The following PPP2R3B variants were observed in gnomAD, a reference collection of about 807,000 sequenced individuals.
PPP2R3B encodes the protein protein phosphatase 2 regulatory subunit B''beta.
A neutral mutation model predicts 72.9 loss-of-function variants in PPP2R3B; 68 were observed. That is an observed-to-expected ratio of 0.93 (90% confidence interval 0.77 to 1.14). The LOEUF (loss-of-function observed/expected upper bound fraction) is 1.14. Among genes scored for constraint, PPP2R3B ranks in the 50% most tolerant of loss-of-function variants. PPP2R3B has a pLI of 0.00. For synonymous variants in PPP2R3B, 466 were observed against 375.8 expected (o/e 1.24, Z -2.78); for missense variants, 1,018 against 842.0 (o/e 1.21, Z -2.59).
At chrX:384,982 CAAAAAAAAAAAAAA>C (rs773590401) in intron 1 of PPP2R3B, among the ~76,000 whole-genome samples, 14 of 63,072 alleles carry the variant, frequency 2.2e-4, no homozygotes, top group Non-Finnish European at 4.2e-4. Flanking sequence ...GAATCTGTCT[CAAAAAAAAAAAAAA>C]AAAAAAAAAA....
intron 7 of PPP2R3B, chrX:342,192 G>A: frequency 1.7e-6 from 1 of 597,582 alleles, no homozygotes; most frequent in Non-Finnish European, 3.0e-6. Context: ...GTAAAGAGCA[G>A]AATATTCAGG....
At chrX:382,209 T>C in intron 1 of PPP2R3B, among the ~76,000 whole-genome samples, 1 of 150,514 alleles carries the variant, frequency 6.6e-6, no homozygotes, top group Middle Eastern at 3.2e-3. Flanking sequence ...TTTTTTTTTT[T>C]TTTGAGACAG....
chrX:386,720 G>A lies in PPP2R3B; in HGVS notation c.-29C>T, dbSNP rs928743424. On this transcript the variant is annotated 5_prime_UTR_variant, in exon 1 of 13. Coordinates refer to ENST00000390665, the MANE Select transcript of PPP2R3B (RefSeq NM_013239.5). ...GGGGGCTGGGCCCGCGGCGCCCCCG[G>A]ACGCCCGCGCCCCGCCCCGCCCCGG... The A allele has an allele frequency of 7.4e-6, 9 of 1,223,552 alleles. No homozygotes were observed. Among genetic ancestry groups the A allele is most frequent in the African/African-American group, 4.8e-5 (3 of 62,732 alleles). The allele number at this position is 1,223,552 out of a possible 1,614,324, so 75.8% of individuals were successfully genotyped here.
In PPP2R3B at chrX:334,433, G is replaced by C. The variant is rs2070831964; in HGVS notation, c.1662C>G (p.Pro554=). 1 of 1,595,584 alleles carries C rather than the reference G, an allele frequency of 6.3e-7. No individual in the cohort carries two copies. The highest frequency in any genetic ancestry group is 1.4e-5 in the African/African-American group (1 of 73,984). The change falls in exon 13 of 13, where the codon CCC becomes CCG. Residue 554 remains proline, a synonymous_variant. Coordinates refer to ENST00000390665, the MANE Select transcript of PPP2R3B (RefSeq NM_013239.5). ...ACAGGTCCACGGCGCCCAGCGGTGAGGGCGCCTCGAAGAAGGGCCTCTGGG... is the reference window on the plus strand; with the variant it reads ...ACAGGTCCACGGCGCCCAGCGGTGACGGCGCCTCGAAGAAGGGCCTCTGGG... The part of the protein sequence containing the change: ...PLAQRPFFEA[P]SPLGAVDLYE...
chrX:334,509 G>A lies in PPP2R3B; in HGVS notation c.1586C>T (p.Ala529Val), dbSNP rs1303007570. 8 of 1,546,780 alleles carry A rather than the reference G, an allele frequency of 5.2e-6. No individual in the cohort carries two copies. The highest frequency in any genetic ancestry group is 6.9e-6 in the Non-Finnish European group (8 of 1,153,910). The change falls in exon 13 of 13, where the codon GCC becomes GTC. Residue 529 changes from alanine to valine, a missense_variant. Ala to Val is a moderately conservative substitution (Grantham distance 64). Transcript: ENST00000390665. The stretch of plus-strand genomic sequence containing the variant: ...CTTCTGCTCCACAGGGCTGAGCTCG[G>A]CCTCGAACCTGCAACGAGGGGATGG... The part of the protein sequence containing the change: ...AGEPWEDGFE[A>V]ELSPVEQKLS...
rs769408642 is a variant in PPP2R3B at position 342,146 on chromosome X, A to G, written c.1037-215T>C. 1.3e-5 allele frequency: 8 copies of G among 634,334 alleles called. No individual in the cohort carries two copies. The East Asian group carries it at 2.2e-4, about 17-fold the overall frequency. The allele number at this position is 634,334 out of a possible 1,614,324, so 39.3% of individuals were successfully genotyped here. On this transcript the variant is annotated intron_variant, in intron 7 of 12. Coordinates refer to ENST00000390665, the MANE Select transcript of PPP2R3B (RefSeq NM_013239.5). Reference sequence around the variant, plus strand: ...GAGCCAAGTCCAGCATGAAATCCACAGAGCGCAAAGCTGACCGCGGCTCCA... The same window carrying G: ...GAGCCAAGTCCAGCATGAAATCCACGGAGCGCAAAGCTGACCGCGGCTCCA...
intron 2 of PPP2R3B, 89 bp from the exon 3 acceptor site, chrX:347,782 A>G: frequency 1.1e-6 from 1 of 939,858 alleles, no homozygotes; most frequent in Non-Finnish European, 1.5e-6. Context: ...GACGCCGCCC[A>G]GAGACCCTCT....
intron 1 of PPP2R3B, among the ~76,000 whole-genome samples, chrX:369,813 C>T (rs771248761): frequency 2.8e-4 from 43 of 152,352 alleles, no homozygotes; most frequent in African/African-American, 9.9e-4. Flanking sequence ...ACGCTCAGTA[C>T]GGGCTGCAAC....
At chrX:379,679 G>C (rs1377734779) in intron 1 of PPP2R3B, among the ~76,000 whole-genome samples, 1 of 152,254 alleles carries the variant, frequency 6.6e-6, no homozygotes, top group Non-Finnish European at 1.5e-5. Context: ...ACCCGGGGAA[G>C]TACACAACGT....
At chrX:341,538 C>T (rs2071077154) in intron 8 of PPP2R3B, 142 bp from the exon 9 acceptor site, 2 of 873,236 alleles carry the variant, frequency 2.3e-6, no homozygotes, top group South Asian at 2.9e-5. Flanking sequence ...CCTCCTCCTG[C>T]CTCTCCGGGG....
intron 4 of PPP2R3B, 75 bp from the exon 5 acceptor site, chrX:346,850 G>A: frequency 7.4e-7 from 1 of 1,342,530 alleles, no homozygotes; most frequent in East Asian, 2.5e-5. Flanking sequence ...GGACGCTGCA[G>A]ACGCGGACCC....
rs369232786 is a variant in PPP2R3B at position 347,299 on chromosome X, C to T, written c.652G>A (p.Val218Ile). ...QNCHDDAAKF[V>I]HLLMSPGCNY... ...CAGCCGGGGCTCATGAGCAGATGGA[C>T]GAACTTGGCCGCGTCGTCGTGGCAG... Residue 218 changes from valine (V) to isoleucine (I), a missense_variant, in exon 4 of 13, where the codon GTC becomes ATC. Val to Ile is a conservative substitution (Grantham distance 29). Coordinates refer to ENST00000390665, the MANE Select transcript of PPP2R3B (RefSeq NM_013239.5). 6.2e-6 allele frequency: 10 copies of T among 1,613,798 alleles called. No homozygotes were observed. The highest frequency in any genetic ancestry group is 2.7e-5 in the African/African-American group (2 of 75,016).
intron 2 of PPP2R3B, among the ~76,000 whole-genome samples, chrX:358,096 C>T (rs1254251559): frequency 1.3e-5 from 2 of 152,218 alleles, no homozygotes; most frequent in Non-Finnish European, 2.9e-5. Context: ...CAGTCACTCA[C>T]GCGACGGGGA....
intron 1 of PPP2R3B, among the ~76,000 whole-genome samples, chrX:363,953 G>A (rs2071623532): frequency 6.6e-6 from 1 of 152,258 alleles, no homozygotes; most frequent in Non-Finnish European, 1.5e-5. Context: ...ACCCTGGACA[G>A]AATAGTTGAC....
Position 346,740 on chromosome X carries a change from C to G in PPP2R3B, c.753G>C (p.Leu251=). ...VVNTHPGLSF[L]KEASEFHSRY... ...GCGAGTGGAACTCGGACGCCTCCTT[C>G]AGGAACGACAGCCCCGGGTGCGTGT... is the stretch of plus-strand genomic sequence containing the variant. The change falls in exon 5 of 13, where the codon CTG becomes CTC. Residue 251 remains leucine (L), a synonymous_variant. Coordinates refer to ENST00000390665, the MANE Select transcript of PPP2R3B (RefSeq NM_013239.5). 1 of 1,610,676 alleles carries G rather than the reference C, an allele frequency of 6.2e-7. No individual in the cohort carries two copies. The highest frequency in any genetic ancestry group is 1.7e-5 in the Admixed American group (1 of 59,926).
chrX:370,648 C>A (rs1425253673), intron 1 of PPP2R3B, among the ~76,000 whole-genome samples: 1 of 152,190 alleles, frequency 6.6e-6, no homozygotes, highest in Admixed American at 6.5e-5. Flanking sequence ...CAGCTCCCTG[C>A]CAGGTGGGGA....
intron 2 of PPP2R3B, 58 bp from the exon 3 acceptor site, chrX:347,751 C>T: frequency 7.5e-7 from 1 of 1,329,104 alleles, no homozygotes; most frequent in Non-Finnish European, 1.0e-6. Context: ...GGCGCTCCTG[C>T]TGCGTACCTC....
intron 5 of PPP2R3B, 197 bp from the exon 6 acceptor site, chrX:346,457 G>A: frequency 1.6e-6 from 1 of 634,542 alleles, no homozygotes; most frequent in Non-Finnish European, 2.6e-6. Flanking sequence ...GTCTGGCCGG[G>A]GACGCCCCGG....
chrX:376,717 C>T (rs1165699483), intron 1 of PPP2R3B, among the ~76,000 whole-genome samples: 1 of 85,780 alleles, frequency 1.2e-5, no homozygotes, highest in Admixed American at 1.1e-4. Context: ...GACGGGCCGT[C>T]CACACCCAGT....
Sources: gnomAD v4.1 joint callset for allele counts (sites outside exome capture counted in the v4.1 genomes callset) on GRCh38, gnomAD v4.1.1 for gene constraint, MANE v1.5 for transcripts, NCBI Gene and HGNC (gene_info 2026-07-23, HGNC 2026-07-21) for gene names.